DLG2: variants seen among roughly 807,000 people sequenced by gnomAD.
DLG2 encodes the protein disks large homolog 2.
DLG2 carries 45 observed loss-of-function variants against 132.5 expected under a neutral mutation model. That is an observed-to-expected ratio of 0.34 (90% CI 0.27 to 0.44). The LOEUF (loss-of-function observed/expected upper bound fraction) is 0.44. Among genes scored for constraint, DLG2 ranks in the 20% least tolerant of loss-of-function variants. The pLI, the probability that DLG2 is intolerant of heterozygous loss-of-function variation, is 1.00. For synonymous variants in DLG2, 424 were observed against 419.6 expected (o/e 1.01, Z -0.13); for missense variants, 1,045 against 1,196.9 (o/e 0.87, Z 1.87).
At chr11:83,974,474 A>C (rs2091897495) in intron 12 of DLG2, among the ~76,000 whole-genome samples, 1 of 151,434 alleles carries the variant, frequency 6.6e-6, no homozygotes, top group Admixed American at 6.6e-5. Context: ...TTTGTTAAGT[A>C]TTACTCTAAG....
intron 7 of DLG2, among the ~76,000 whole-genome samples, chr11:84,381,232 G>T (rs114840586): frequency 6.6e-6 from 1 of 151,920 alleles, no homozygotes; most frequent in East Asian, 1.9e-4. Flanking sequence ...TGAATAAAAA[G>T]TTTTAAAATA....
At chr11:84,719,237 C>T (rs1242774981) in intron 6 of DLG2, among the ~76,000 whole-genome samples, 4 of 152,158 alleles carry the variant, frequency 2.6e-5, no homozygotes. Flanking sequence ...AAGGTGCTTA[C>T]CAGCTGTCCA....
At chr11:85,298,668 A>G (rs2152786978) in intron 3 of DLG2, among the ~76,000 whole-genome samples, 1 of 152,280 alleles carries the variant, frequency 6.6e-6, no homozygotes, top group East Asian at 1.9e-4. Flanking sequence ...ATTAATACCA[A>G]TATTGGTAAT....
At position 85,192,456 on chromosome 11, in the gene DLG2, G is replaced by A. The variant is rs2080670774; in HGVS notation, c.187-37805C>T. Reference sequence around the variant, plus strand: ...CCTAGAACAAAGGGAACCTGGGGGAGAAACCATAGGGGGAGTGCCTGATTG... The same window carrying A: ...CCTAGAACAAAGGGAACCTGGGGGAAAAACCATAGGGGGAGTGCCTGATTG... On this transcript the variant is annotated intron_variant, in intron 4 of 27. Transcript: ENST00000376104. Among the ~76,000 whole-genome samples, 3 of 152,152 alleles carry A rather than the reference G, an allele frequency of 2.0e-5. No individual in the cohort carries two copies. In the South Asian group the frequency reaches 6.2e-4, roughly 31 times the overall value.
intron 7 of DLG2, among the ~76,000 whole-genome samples, chr11:84,529,301 A>C (rs754098560): frequency 1.3e-5 from 2 of 152,206 alleles, no homozygotes; most frequent in Non-Finnish European, 2.9e-5. Flanking sequence ...CAAAGCAATC[A>C]GGCAAGAGAA....
At chr11:83,667,902 C>T (rs1020883277) in intron 18 of DLG2, among the ~76,000 whole-genome samples, 5 of 127,476 alleles carry the variant, frequency 3.9e-5, no homozygotes, top group East Asian at 2.5e-4. Flanking sequence ...GGCATGAACC[C>T]GGGAGGCAGA....
chr11:83,714,778 G>T (rs1396873298), intron 18 of DLG2, among the ~76,000 whole-genome samples: 2 of 152,160 alleles, frequency 1.3e-5, no homozygotes, highest in East Asian at 1.9e-4. Flanking sequence ...CAGCATGCAG[G>T]TTTGTTACAT....
intron 7 of DLG2, among the ~76,000 whole-genome samples, chr11:84,520,713 G>A (rs11826778): frequency 0.03 from 4,599 of 152,256 alleles, 234 homozygotes; most frequent in African/African-American, 0.1. Flanking sequence ...TAGGGACTAG[G>A]GAAATAGAAG....
At chr11:84,327,903 C>A (rs1482776756) in intron 7 of DLG2, among the ~76,000 whole-genome samples, 1 of 152,206 alleles carries the variant, frequency 6.6e-6, no homozygotes, top group African/African-American at 2.4e-5. Context: ...TTGTCCAAAG[C>A]TTGCATCATC....
intron 8 of DLG2, among the ~76,000 whole-genome samples, chr11:84,218,048 A>G (rs2096859308): frequency 6.6e-6 from 1 of 152,062 alleles, no homozygotes; most frequent in African/African-American, 2.4e-5. Flanking sequence ...TGTGCCTGTA[A>G]TCCCAGCCAT....
intron 8 of DLG2, among the ~76,000 whole-genome samples, chr11:84,176,918 CCTTTT>C (rs1158174055): frequency 7.1e-4 from 108 of 151,868 alleles, no homozygotes; most frequent in South Asian, 1.9e-3. Context: ...CCCTTCCTTT[CCTTTT>C]CTTTTCTTTT....
chr11:84,951,454 AG>A (rs2050901035), intron 6 of DLG2, among the ~76,000 whole-genome samples: 1 of 152,140 alleles, frequency 6.6e-6, no homozygotes, highest in Non-Finnish European at 1.5e-5. Context: ...TAATTAGGGT[AG>A]GACCTAATTA....
chr11:85,273,568 C>T (rs942451451), intron 4 of DLG2, among the ~76,000 whole-genome samples: 1 of 152,166 alleles, frequency 6.6e-6, no homozygotes, highest in Non-Finnish European at 1.5e-5. Flanking sequence ...CCATCTCACA[C>T]CAGTTAGATT....
chr11:84,698,186 G>T (rs1374647357), intron 6 of DLG2, among the ~76,000 whole-genome samples: 1 of 151,408 alleles, frequency 6.6e-6, no homozygotes, highest in Non-Finnish European at 1.5e-5. Flanking sequence ...ATGATATAAA[G>T]GTAGCATGAA....
intron 6 of DLG2, among the ~76,000 whole-genome samples, chr11:84,781,031 G>C (rs967281965): frequency 1.4e-5 from 2 of 142,584 alleles, no homozygotes; most frequent in South Asian, 2.2e-4. Context: ...AGACTTCATT[G>C]TCTGCCAAAA....
chr11:85,400,839 G>T (rs563920766), intron 3 of DLG2, among the ~76,000 whole-genome samples: 1 of 151,222 alleles, frequency 6.6e-6, no homozygotes, highest in Admixed American at 6.6e-5. Flanking sequence ...GCTAAATGAC[G>T]AGTTAATGAG....
At chr11:85,519,767 C>T (rs1011092872) in intron 3 of DLG2, among the ~76,000 whole-genome samples, 5 of 152,006 alleles carry the variant, frequency 3.3e-5, no homozygotes, top group Admixed American at 2.6e-4. Flanking sequence ...GTGGAAGGGG[C>T]CTGGTGGGAG....
intron 6 of DLG2, among the ~76,000 whole-genome samples, chr11:85,084,322 T>A (rs1471985177): frequency 6.6e-6 from 1 of 152,016 alleles, no homozygotes; most frequent in Non-Finnish European, 1.5e-5. Context: ...AGAAGGAAAG[T>A]CAGAATATGT....
chr11:84,768,501 C>T (rs955758156), intron 6 of DLG2, among the ~76,000 whole-genome samples: 1 of 151,962 alleles, frequency 6.6e-6, no homozygotes, highest in African/African-American at 2.4e-5. Context: ...GTAATAACTG[C>T]CTGACTTGCC....
Sources: gnomAD v4.1 joint callset for allele counts (sites outside exome capture counted in the v4.1 genomes callset) on GRCh38, gnomAD v4.1.1 for gene constraint, MANE v1.5 for transcripts, NCBI Gene and HGNC (gene_info 2026-07-23, HGNC 2026-07-21) for gene names.